EXOC4: variants seen among roughly 807,000 people sequenced by gnomAD.
EXOC4 encodes the protein SEC8-like 1.
A neutral mutation model predicts 107.2 loss-of-function variants in EXOC4; 71 were observed. That is an observed-to-expected ratio of 0.66 (90% CI 0.55 to 0.81). The LOEUF is 0.81. Ranked by LOEUF, EXOC4 falls within the 30% of genes least tolerant of loss-of-function variation. The pLI is 0.00. For synonymous variants in EXOC4, 456 were observed against 441.2 expected (o/e 1.03, Z -0.42); for missense variants, 1,108 against 1,189.6 (o/e 0.93, Z 1.01).
chr7:133,465,791 A>G (rs1185981422), intron 7 of EXOC4, among the ~76,000 whole-genome samples: 2 of 152,202 alleles, frequency 1.3e-5, no homozygotes, highest in African/African-American at 2.4e-5. Context: ...ACCATGGGTA[A>G]CAGAAGAAAG....
intron 5 of EXOC4, among the ~76,000 whole-genome samples, chr7:133,331,585 C>T (rs1362977139): frequency 6.6e-6 from 1 of 151,684 alleles, no homozygotes; most frequent in African/African-American, 2.4e-5. Context: ...CCTGCCTCAG[C>T]CTCCCCAGTA....
chr7:133,728,174 G>A (rs191640250), intron 10 of EXOC4, among the ~76,000 whole-genome samples: 1 of 152,282 alleles, frequency 6.6e-6, no homozygotes, highest in African/African-American at 2.4e-5. Flanking sequence ...AAAATCTTAT[G>A]TTAGAAATTT....
intron 10 of EXOC4, among the ~76,000 whole-genome samples, chr7:133,668,554 A>G (rs1374099106): frequency 1.3e-5 from 2 of 152,228 alleles, no homozygotes; most frequent in African/African-American, 2.4e-5. Flanking sequence ...ATGTATTTCT[A>G]GTATCATACT....
At chr7:133,823,843 TTATA>T (rs869279764) in intron 11 of EXOC4, among the ~76,000 whole-genome samples, 5,275 of 18,460 alleles carry the variant, frequency 0.29, 542 homozygotes, top group Admixed American at 0.36. Flanking sequence ...TATATATATA[TTATA>T]TATATATATA....
At chr7:134,057,201 G>C (rs190465642) in intron 17 of EXOC4, among the ~76,000 whole-genome samples, 1 of 152,064 alleles carries the variant, frequency 6.6e-6, no homozygotes, top group African/African-American at 2.4e-5. Flanking sequence ...AAAGAAGACC[G>C]AGCAAGCCTT....
intron 14 of EXOC4, among the ~76,000 whole-genome samples, chr7:133,973,514 G>T (rs1793751262): frequency 6.6e-6 from 1 of 152,166 alleles, no homozygotes; most frequent in Admixed American, 6.5e-5. Flanking sequence ...GGGCTACATT[G>T]CAGGGCTTAC....
chr7:133,439,493 C>G (rs910644133), intron 7 of EXOC4, among the ~76,000 whole-genome samples: 3 of 152,020 alleles, frequency 2.0e-5, no homozygotes, highest in Non-Finnish European at 4.4e-5. Context: ...CATATTTCAT[C>G]AGTTCTAATG....
chr7:133,810,596 C>CATTTTATTTTATTTTATTTTATTTTAT lies in EXOC4; in HGVS notation c.1515-6729_1515-6728insATTTTATTTTATTTTATTTTATTTTAT, dbSNP rs1563007790. Among the ~76,000 whole-genome samples the CATTTTATTTTATTTTATTTTATTTTAT allele has an allele frequency of 3.1e-3, 323 of 103,856 alleles. 3 individuals are homozygous for CATTTTATTTTATTTTATTTTATTTTAT. Among genetic ancestry groups the CATTTTATTTTATTTTATTTTATTTTAT allele is most frequent in the African/African-American group, 9.9e-3 (293 of 29,462 alleles). 68.1% of individuals were successfully genotyped at this position (103,856 alleles called of 152,430 possible). ...TTTAGACGATAAGATCCATGCTTTGCTTTATTTTATTTTATTTTATTTTAT... is the reference window on the plus strand; with the variant it reads ...TTTAGACGATAAGATCCATGCTTTGCATTTTATTTTATTTTATTTTATTTTATTTTATTTTATTTTATTTTATTTTAT... On this transcript the variant is annotated intron_variant, in intron 10 of 17. Transcript: ENST00000253861.
intron 10 of EXOC4, among the ~76,000 whole-genome samples, chr7:133,714,103 G>A (rs1171236659): frequency 1.3e-5 from 2 of 152,040 alleles, no homozygotes; most frequent in Non-Finnish European, 2.9e-5. Flanking sequence ...ATCAGTACTA[G>A]GTAGAAGCTT....
intron 9 of EXOC4, among the ~76,000 whole-genome samples, chr7:133,543,175 T>A (rs2150933579): frequency 6.6e-6 from 1 of 151,990 alleles, no homozygotes; most frequent in Middle Eastern, 3.4e-3. Context: ...AGAATTTTTT[T>A]TTTGATATAA....
chr7:133,696,231 C>T (rs1488454579), intron 10 of EXOC4, among the ~76,000 whole-genome samples: 1 of 152,160 alleles, frequency 6.6e-6, no homozygotes, highest in African/African-American at 2.4e-5. Context: ...ACGATCATGC[C>T]AAACCAGTTT....
At chr7:133,747,125 C>T (rs776308414) in intron 10 of EXOC4, among the ~76,000 whole-genome samples, 1 of 152,062 alleles carries the variant, frequency 6.6e-6, no homozygotes, top group Non-Finnish European at 1.5e-5. Context: ...GTTGAAGTGA[C>T]GTAATTAGAT....
At chr7:133,954,741 C>T (rs1379869119) in intron 14 of EXOC4, among the ~76,000 whole-genome samples, 1 of 152,216 alleles carries the variant, frequency 6.6e-6, no homozygotes, top group East Asian at 1.9e-4. Context: ...TGCTACCGGC[C>T]TGGATCCCAT....
intron 17 of EXOC4, among the ~76,000 whole-genome samples, chr7:134,061,085 G>A (rs1376245025): frequency 2.6e-5 from 4 of 152,128 alleles, no homozygotes; most frequent in Non-Finnish European, 2.9e-5. Context: ...ATCACACTGT[G>A]GAAGATCCAA....
chr7:133,569,414 A>T (rs968799920), intron 9 of EXOC4, among the ~76,000 whole-genome samples: 1 of 152,208 alleles, frequency 6.6e-6, no homozygotes, highest in Non-Finnish European at 1.5e-5. Context: ...GTAAGATAAA[A>T]TGTGTAAGTT....
chr7:133,435,252 A>G, intron 7 of EXOC4, among the ~76,000 whole-genome samples: 1 of 152,150 alleles, frequency 6.6e-6, no homozygotes, highest in East Asian at 1.9e-4. Flanking sequence ...GAAGGCACGG[A>G]CAACGTTCCA....
At chr7:133,568,048 G>C (rs1800942452) in intron 9 of EXOC4, among the ~76,000 whole-genome samples, 1 of 152,078 alleles carries the variant, frequency 6.6e-6, no homozygotes, top group Non-Finnish European at 1.5e-5. Flanking sequence ...TCAATACATT[G>C]TGTTAACAAA....
chr7:133,484,522 A>T (rs1584952378), intron 9 of EXOC4, among the ~76,000 whole-genome samples: 1 of 152,044 alleles, frequency 6.6e-6, no homozygotes, highest in South Asian at 2.1e-4. Context: ...TGATGAACAC[A>T]TTATCTGGTG....
intron 6 of EXOC4, among the ~76,000 whole-genome samples, chr7:133,373,292 A>G (rs1796416344): frequency 6.6e-6 from 1 of 152,216 alleles, no homozygotes; most frequent in Non-Finnish European, 1.5e-5. Context: ...TATTTTAGAT[A>G]TATGTGAGTA....
Sources: allele counts gnomAD v4.1 joint callset (sites outside exome capture counted in the v4.1 genomes callset), GRCh38; gene constraint gnomAD v4.1.1; transcripts MANE v1.5; gene names NCBI Gene and HGNC (gene_info 2026-07-23, HGNC 2026-07-21).